The following BEGAIN variants were observed in gnomAD, a reference collection of about 807,000 sequenced individuals.
BEGAIN encodes brain-enriched guanylate kinase-associated protein.
In BEGAIN, 19 loss-of-function variants were observed where a neutral mutation model predicts 35.8. The ratio of observed to expected loss-of-function variants is 0.53; its 90% CI spans 0.37 to 0.78. BEGAIN has a LOEUF of 0.78. Ranked by LOEUF, BEGAIN falls within the 30% of genes least tolerant of loss-of-function variation. BEGAIN has a pLI of 0.00. For synonymous variants in BEGAIN, 462 were observed against 388.6 expected, an observed-to-expected ratio of 1.19 and a Z score of -2.22; for missense variants, 795 against 853.6, an observed-to-expected ratio of 0.93 and a Z score of 0.85.
At chr14:100,551,396 C>T (rs1418057435) in intron 2 of BEGAIN, among the ~76,000 whole-genome samples, 1 of 152,212 alleles carries the variant, frequency 6.6e-6, no homozygotes, top group African/African-American at 2.4e-5. Context: ...CAACCTCTGC[C>T]TAGAGGGGCT....
intron 5 of BEGAIN, among the ~76,000 whole-genome samples, chr14:100,543,195 G>C (rs1393908665): frequency 7.9e-5 from 12 of 152,138 alleles, no homozygotes; most frequent in African/African-American, 2.7e-4. Context: ...GCGACTCCCT[G>C]GTACCGTTCT....
chr14:100,583,507 T>C (rs918273394), intron 1 of BEGAIN, among the ~76,000 whole-genome samples: 4 of 152,062 alleles, frequency 2.6e-5, no homozygotes, highest in African/African-American at 9.7e-5. Flanking sequence ...GTATCATCCA[T>C]TGATATTTTG....
At chr14:100,546,772 GCGCGCGCGCA>G (rs1187044114) in intron 2 of BEGAIN, 110 bp from the exon 3 acceptor site, 7 of 791,794 alleles carry the variant, frequency 8.8e-6, no homozygotes, top group East Asian at 3.7e-5. Flanking sequence ...CGGCGCGCGC[GCGCGCGCGCA>G]CACACACACA....
At chr14:100,555,002 C>A (rs931553002) in intron 2 of BEGAIN, among the ~76,000 whole-genome samples, 2 of 152,252 alleles carry the variant, frequency 1.3e-5, no homozygotes, top group South Asian at 2.1e-4. Flanking sequence ...CACACGCTCA[C>A]CCTCTCAGCC....
In BEGAIN at chr14:100,573,280, C is replaced by T. The variant is rs7159210; in HGVS notation, c.43-5341G>A. Among the ~76,000 whole-genome samples the T allele has an allele frequency of 2.8e-5, 2 of 71,926 alleles. 1 individual carries two copies. The highest frequency in any genetic ancestry group is 5.7e-5 in the Non-Finnish European group (2 of 35,310). The allele number at this position is 71,926 out of a possible 152,430, so 47.2% of individuals were successfully genotyped here. ...TCTGGGGGGAGGGGCTTCCGGAGGA[C>T]GGGGCGGGTGAGTCCCGAAGGGGCC... On this transcript the variant is annotated intron_variant, in intron 1 of 6. Transcript: ENST00000554140. The surrounding 1 kb of genome is among the most constrained non-coding windows in gnomAD (Gnocchi z 4.2).
At position 100,567,637 on chromosome 14, in the gene BEGAIN, G is replaced by A. The variant is rs976655319; in HGVS notation, c.71+274C>T. Among the ~76,000 whole-genome samples, 28 of 151,866 alleles carry A rather than the reference G, an allele frequency of 1.8e-4. No homozygotes were observed. Among genetic ancestry groups the A allele is most frequent in the South Asian group, 1.7e-3 (8 of 4,828 alleles). ...GCTGAGGACCGCACAGGACCAGGCG[G>A]CCCCGGGTAGGGGGCAGCCCGGCCC... is the stretch of plus-strand genomic sequence containing the variant. On this transcript the variant is annotated intron_variant, in intron 2 of 6. Coordinates refer to ENST00000554140, the MANE Select transcript of BEGAIN (RefSeq NM_001385089.1). This position sits in a 1 kb window ranked among gnomAD's most constrained non-coding sequence, Gnocchi z 5.1.
intron 2 of BEGAIN, among the ~76,000 whole-genome samples, chr14:100,556,922 G>A (rs1426969589): frequency 6.6e-6 from 1 of 152,210 alleles, no homozygotes; most frequent in Non-Finnish European, 1.5e-5. Flanking sequence ...GTCACAGGCC[G>A]CTGCTGTCCC....
Position 100,568,250 on chromosome 14 carries a change from G to A in BEGAIN, c.43-311C>T. 2 of 612,658 alleles carry A rather than the reference G, an allele frequency of 3.3e-6. No homozygotes were observed. The highest frequency in any genetic ancestry group is 4.3e-5 in the South Asian group (2 of 46,294). 38.0% of individuals were successfully genotyped at this position (612,658 alleles called of 1,614,324 possible). On this transcript the variant is annotated intron_variant, in intron 1 of 6. Coordinates refer to ENST00000554140, the MANE Select transcript of BEGAIN (RefSeq NM_001385089.1). The surrounding 1 kb of genome is among the most constrained non-coding windows in gnomAD (Gnocchi z 7.5). ...GCCAGGGGCGATCTCGGCCTCGCCC[G>A]GAGGAGGGGGACTCGGCCTGTCCCC...
Position 100,545,051 on chromosome 14 carries a change from G to A in BEGAIN, c.249C>T (p.Tyr83=). 2.5e-6 allele frequency: 4 copies of A among 1,613,428 alleles called. No homozygotes were observed. The highest frequency in any genetic ancestry group is 3.4e-6 in the Non-Finnish European group (4 of 1,180,002). ...TEKLRRIQSN[Y]MALQRINQEL... is the part of the protein sequence containing the mutation. The stretch of plus-strand genomic sequence containing the variant: ...CCTGGTTGATCCTCTGCAGTGCCAT[G>A]TAGTTGCTCTGAATCCTGGTGCAGG... Residue 83 remains tyrosine (Y), a synonymous_variant, in exon 4 of 7, where the codon TAC becomes TAT. Transcript: ENST00000554140.
intron 2 of BEGAIN, among the ~76,000 whole-genome samples, chr14:100,553,335 C>T (rs979390995): frequency 1.3e-5 from 2 of 152,130 alleles, no homozygotes; most frequent in African/African-American, 4.8e-5. Flanking sequence ...CCTGTGGCCA[C>T]CTGTGGGACG....
chr14:100,570,837 T>C (rs932117318), intron 1 of BEGAIN, among the ~76,000 whole-genome samples: 5 of 152,192 alleles, frequency 3.3e-5, no homozygotes, highest in Non-Finnish European at 7.4e-5. Flanking sequence ...AGACCCTTAC[T>C]ACGGGTGAGG....
At chr14:100,571,732 C>T (rs1180159070) in intron 1 of BEGAIN, among the ~76,000 whole-genome samples, 1 of 152,092 alleles carries the variant, frequency 6.6e-6, no homozygotes, top group African/African-American at 2.4e-5. Context: ...ATCATCCGAC[C>T]CCCATGCCCA....
rs922444323 is a variant in BEGAIN, at chr14:100,567,531, G to A, written c.71+380C>T. ...GGGTGGGGTCGGGGGAGAGAGCGCC[G>A]GGGCAGTGCGGAACGGCACGAACGG... On this transcript the variant is annotated intron_variant, in intron 2 of 6. Coordinates refer to ENST00000554140, the MANE Select transcript of BEGAIN (RefSeq NM_001385089.1). The surrounding 1 kb of genome is among the most constrained non-coding windows in gnomAD (Gnocchi z 5.1). Among the ~76,000 whole-genome samples, 2 of 152,050 alleles carry A rather than the reference G, an allele frequency of 1.3e-5. No homozygotes were observed. Among genetic ancestry groups the A allele is most frequent in the Non-Finnish European group, 2.9e-5 (2 of 67,946 alleles).
chr14:100,553,189 G>A (rs558079539), intron 2 of BEGAIN, among the ~76,000 whole-genome samples: 1 of 152,072 alleles, frequency 6.6e-6, no homozygotes, highest in Admixed American at 6.5e-5. Flanking sequence ...GAAGGAGAAC[G>A]GGATGCTCAG....
In BEGAIN at chr14:100,541,937, G is replaced by C. The variant is rs570095513; in HGVS notation, c.409-1358C>G. Reference sequence around the variant, plus strand: ...CCCAGGGCCCGGGGCTGCTGGAGTCGGAGTCCCGAGGTTGAGTTCTGGCTC... The same window carrying C: ...CCCAGGGCCCGGGGCTGCTGGAGTCCGAGTCCCGAGGTTGAGTTCTGGCTC... On this transcript the variant is annotated intron_variant, in intron 5 of 6. Transcript: ENST00000554140. Among the ~76,000 whole-genome samples the C allele has an allele frequency of 2.5e-4, 38 of 152,316 alleles. No homozygotes were observed. The East Asian group carries it at 6.9e-3, about 28-fold the overall frequency.
chr14:100,542,766 C>T (rs2031816993), intron 5 of BEGAIN, among the ~76,000 whole-genome samples: 1 of 152,220 alleles, frequency 6.6e-6, no homozygotes, highest in East Asian at 1.9e-4. Flanking sequence ...GACTATGGTC[C>T]TGGCCTCCTC....
At chr14:100,547,822 T>A (rs779865640) in intron 2 of BEGAIN, 8 of 152,200 alleles carry the variant, frequency 5.3e-5, no homozygotes, top group Non-Finnish European at 7.3e-5. Flanking sequence ...GTTCTTGTGA[T>A]ATTCCCGACC....
rs373784233 is a variant in BEGAIN at position 100,537,922 on chromosome 14, C to T, written c.*47G>A. 6.4e-7 allele frequency: 1 copy of T among 1,554,384 alleles called. No individual in the cohort carries two copies. On this transcript the variant is annotated 3_prime_UTR_variant, in exon 7 of 7. Coordinates refer to ENST00000554140, the MANE Select transcript of BEGAIN (RefSeq NM_001385089.1). The stretch of plus-strand genomic sequence containing the variant: ...AGGTGAGGCCGGCCCTTCTGGGGCA[C>T]GTGGGCTGGCGGGGAGCGAACCACG...
At chr14:100,578,794 TC>T (rs963859365) in intron 1 of BEGAIN, among the ~76,000 whole-genome samples, 26 of 151,218 alleles carry the variant, frequency 1.7e-4, no homozygotes, top group Non-Finnish European at 1.8e-4. Context: ...ACAAAAGGAA[TC>T]CGGATATCTC....
Sources: gnomAD v4.1 joint callset for allele counts (sites outside exome capture counted in the v4.1 genomes callset) on GRCh38, gnomAD v4.1.1 for gene constraint, Gnocchi (gnomAD v3.1) non-coding constraint, MANE v1.5 for transcripts, NCBI Gene and HGNC (gene_info 2026-07-23, HGNC 2026-07-21) for gene names.